The following RIMS2 variants were observed in gnomAD, a reference collection of about 807,000 sequenced individuals.
RIMS2 encodes the protein regulating synaptic membrane exocytosis protein 2.
Under a neutral mutation model 174.4 loss-of-function variants are expected in RIMS2, and 59 were observed. The ratio of observed to expected loss-of-function variants is 0.34; its 90% confidence interval spans 0.27 to 0.42. The LOEUF (loss-of-function observed/expected upper bound fraction) is 0.42, where lower values mean the gene tolerates loss of function less well. RIMS2 is among the 10% of genes least tolerant of loss of function. The probability of loss-of-function intolerance (pLI) is 1.00; values close to 1 mark genes in which losing one functional copy is unlikely to be tolerated. For missense variants in RIMS2, 1,620 were observed against 1,666.3 expected (o/e 0.97, Z 0.48); for synonymous variants, 606 against 572.5 (o/e 1.06, Z -0.84).
At chr8:103,673,862 A>C (rs2096775811) in intron 1 of RIMS2, among the ~76,000 whole-genome samples, 1 of 152,226 alleles carries the variant, frequency 6.6e-6, no homozygotes, top group South Asian at 2.1e-4. Flanking sequence ...CAGATTTTCC[A>C]AACTTTTAGG....
intron 2 of RIMS2, among the ~76,000 whole-genome samples, chr8:103,709,340 GTTTT>G (rs35595373): frequency 1.5e-5 from 2 of 132,842 alleles, no homozygotes; most frequent in Non-Finnish European, 3.2e-5. Context: ...CGGTATGTGG[GTTTT>G]TTTTTTTTTT....
At chr8:104,126,982 C>G (rs1208475099) in intron 19 of RIMS2, among the ~76,000 whole-genome samples, 1 of 152,096 alleles carries the variant, frequency 6.6e-6, no homozygotes, top group Non-Finnish European at 1.5e-5. Flanking sequence ...AGTGCCCATT[C>G]AGCTCAAAGT....
At chr8:103,839,625 A>T (rs2098927848) in intron 3 of RIMS2, among the ~76,000 whole-genome samples, 3 of 152,106 alleles carry the variant, frequency 2.0e-5, no homozygotes, top group Admixed American at 2.0e-4. Context: ...TTTTTCTTCA[A>T]CTTTCAGTCC....
chr8:103,608,141 T>C (rs1287906784), intron 1 of RIMS2, among the ~76,000 whole-genome samples: 1 of 148,194 alleles, frequency 6.7e-6, no homozygotes, highest in East Asian at 1.9e-4. Context: ...TATCTACTTT[T>C]GGTCTTTGAT....
rs948250137 is a variant in RIMS2 at position 103,975,781 on chromosome 8, G to A, written c.2927+275G>A. Reference sequence around the variant, plus strand: ...TCAGTCTGTGGTCAAAGGCCTGAGAGCCACCAGCAAGCCACTGGTGCAAGT... The same window carrying A: ...TCAGTCTGTGGTCAAAGGCCTGAGAACCACCAGCAAGCCACTGGTGCAAGT... On this transcript the variant is annotated intron_variant, in intron 16 of 23. Transcript: ENST00000504942. 4.1e-5 allele frequency: 10 copies of A among 242,484 alleles called. No homozygotes were observed. In the Admixed American group the frequency reaches 5.5e-4, roughly 13 times the overall value. 15.0% of individuals were successfully genotyped at this position (242,484 alleles called of 1,614,324 possible). A position where few individuals can be genotyped will look rare whatever the true frequency, so the allele number is the denominator to read the frequency against.
At chr8:104,156,892 G>A (rs1009008190) in intron 19 of RIMS2, among the ~76,000 whole-genome samples, 48 of 152,132 alleles carry the variant, frequency 3.2e-4, no homozygotes, top group African/African-American at 7.7e-4. Flanking sequence ...ATACACAAGC[G>A]TACATTAAAT....
chr8:104,104,741 G>A (rs1468071364), intron 19 of RIMS2, among the ~76,000 whole-genome samples: 2 of 151,826 alleles, frequency 1.3e-5, no homozygotes, highest in African/African-American at 4.9e-5. Flanking sequence ...AATTAGCCAG[G>A]CACAGTGGTG....
intron 19 of RIMS2, among the ~76,000 whole-genome samples, chr8:104,117,502 G>A (rs564038960): frequency 6.6e-6 from 1 of 151,810 alleles, no homozygotes; most frequent in Non-Finnish European, 1.5e-5. Context: ...CACCATGCCT[G>A]GCTAACTTTT....
chr8:103,544,107 A>G (rs1025716601), intron 1 of RIMS2, among the ~76,000 whole-genome samples: 1 of 152,218 alleles, frequency 6.6e-6, no homozygotes, highest in Non-Finnish European at 1.5e-5. Context: ...GAAGTCAAAC[A>G]ACTCAATAGC....
At chr8:104,222,750 G>A (rs1201357534) in intron 19 of RIMS2, among the ~76,000 whole-genome samples, 3 of 152,142 alleles carry the variant, frequency 2.0e-5, no homozygotes, top group Non-Finnish European at 4.4e-5. Context: ...TAGATGTTAA[G>A]CCGTACAATG....
intron 19 of RIMS2, among the ~76,000 whole-genome samples, chr8:104,028,467 AAATT>A (rs1248945931): frequency 1.3e-5 from 2 of 152,180 alleles, no homozygotes; most frequent in Non-Finnish European, 1.5e-5. Flanking sequence ...TTTTAAAAAC[AAATT>A]AACTTTTAAT....
chr8:103,501,324 T>G, intron 1 of RIMS2: 2 of 224,214 alleles, frequency 8.9e-6, no homozygotes, highest in Non-Finnish European at 1.8e-5. Context: ...CTTGGCGCCT[T>G]TCCGGATTTC....
downstream of RIMS2, chr8:104,254,072 G>T (rs1358872391): frequency 2.0e-5 from 3 of 152,084 alleles, no homozygotes; most frequent in Admixed American, 1.3e-4. Flanking sequence ...TGATTTTCCT[G>T]ATACTAAGAT....
At chr8:103,880,232 G>C (rs185954287) in intron 3 of RIMS2, among the ~76,000 whole-genome samples, 3 of 151,724 alleles carry the variant, frequency 2.0e-5, no homozygotes, top group Non-Finnish European at 3.0e-5. Flanking sequence ...TCATATAGGA[G>C]AAGGTGATTT....
At chr8:103,549,389 G>A (rs930080773) in intron 1 of RIMS2, among the ~76,000 whole-genome samples, 3 of 152,112 alleles carry the variant, frequency 2.0e-5, no homozygotes, top group Admixed American at 2.0e-4. Flanking sequence ...AAGTGCAGGA[G>A]AAACAAAATC....
chr8:103,603,553 GA>G (rs1471107029), intron 1 of RIMS2, among the ~76,000 whole-genome samples: 1 of 152,126 alleles, frequency 6.6e-6, no homozygotes, highest in East Asian at 1.9e-4. Flanking sequence ...TCTAGTTCTG[GA>G]TCCCTGATGA....
intron 19 of RIMS2, among the ~76,000 whole-genome samples, chr8:104,038,763 A>C: frequency 6.6e-6 from 1 of 152,040 alleles, no homozygotes; most frequent in Non-Finnish European, 1.5e-5. Flanking sequence ...TAAATGCAAT[A>C]GTACATAATA....
In RIMS2 at chr8:104,146,204, CAAAA is replaced by C. The variant is rs36101798; in HGVS notation, c.3335-98691_3335-98688del. 2.0e-4 allele frequency among the ~76,000 whole-genome samples: 13 copies of C among 65,916 alleles called. 1 individual carries two copies. The East Asian group carries it at 3.0e-3, about 15-fold the overall frequency. The allele number at this position is 65,916 out of a possible 152,430, so 43.2% of individuals were successfully genotyped here. A position where few individuals can be genotyped will look rare whatever the true frequency, so the allele number is the denominator to read the frequency against. ...CACAGTGAGAACCTGTCTCCTCTCC[CAAAA>C]AAAAAAAAAAAAAAAAAAAAGCCAG... is the stretch of plus-strand genomic sequence containing the variant. On this transcript the variant is annotated intron_variant, in intron 19 of 23. Transcript: ENST00000504942.
intron 19 of RIMS2, among the ~76,000 whole-genome samples, chr8:104,168,931 T>G (rs1192839739): frequency 6.6e-6 from 1 of 152,154 alleles, no homozygotes. Context: ...TTAATTATTT[T>G]TATGTGATGT....
Sources: gnomAD v4.1 joint callset for allele counts (sites outside exome capture counted in the v4.1 genomes callset) on GRCh38, gnomAD v4.1.1 for gene constraint, MANE v1.5 for transcripts, NCBI Gene and HGNC (gene_info 2026-07-23, HGNC 2026-07-21) for gene names.